Variants in DNAH9 observed in about 807,000 individuals in gnomAD.
DNAH9 encodes DNAH9 variant protein.
In DNAH9, 345 loss-of-function variants were observed where a neutral mutation model predicts 471.6. The observed-to-expected ratio is 0.73, with a 90% CI of 0.67 to 0.80. The LOEUF (loss-of-function observed/expected upper bound fraction) is 0.80, where lower values mean the gene tolerates loss of function less well. Among genes scored for constraint, DNAH9 ranks in the 30% least tolerant of loss-of-function variants. The pLI, the probability that DNAH9 is intolerant of heterozygous loss-of-function variation, is 0.00. For synonymous variants in DNAH9, 2,093 were observed against 2,123.6 expected (o/e 0.99, Z 0.40); for missense variants, 5,407 against 5,609.2 (o/e 0.96, Z 1.15).
At chr17:11,654,722 AC>A (rs2073601833) in intron 14 of DNAH9, among the ~76,000 whole-genome samples, 1 of 151,962 alleles carries the variant, frequency 6.6e-6, no homozygotes, top group South Asian at 2.1e-4. Flanking sequence ...ACACTACCAT[AC>A]AGTGCCAGGC....
chr17:11,827,037 A>G (rs1158921735), intron 48 of DNAH9, among the ~76,000 whole-genome samples: 2 of 151,520 alleles, frequency 1.3e-5, no homozygotes, highest in Non-Finnish European at 1.5e-5. Flanking sequence ...GTTGGCCAGG[A>G]TTGTCTCAAT....
chr17:11,693,517 C>T (rs1245917191), intron 20 of DNAH9, among the ~76,000 whole-genome samples: 5 of 151,838 alleles, frequency 3.3e-5, no homozygotes, highest in South Asian at 2.1e-4. Flanking sequence ...CGTCAGCCTC[C>T]GAAAGTGCTG....
At chr17:11,633,343 A>C (rs1169385595) in intron 8 of DNAH9, among the ~76,000 whole-genome samples, 1 of 152,210 alleles carries the variant, frequency 6.6e-6, no homozygotes, top group Non-Finnish European at 1.5e-5. Context: ...AAGAAGTCAC[A>C]TTGTGGTTCA....
chr17:11,860,199 A>G (rs1391716000), intron 50 of DNAH9, among the ~76,000 whole-genome samples: 4 of 152,180 alleles, frequency 2.6e-5, no homozygotes, highest in African/African-American at 9.6e-5. Context: ...TGTTTTACAC[A>G]GTCTCTTCAC....
intron 28 of DNAH9, among the ~76,000 whole-genome samples, chr17:11,735,080 C>T (rs2150826084): frequency 6.6e-6 from 1 of 152,198 alleles, no homozygotes; most frequent in Non-Finnish European, 1.5e-5. Flanking sequence ...TGGTTTGGAC[C>T]CAAGGACACG....
intron 49 of DNAH9, among the ~76,000 whole-genome samples, chr17:11,835,251 A>C (rs1279487024): frequency 2.0e-5 from 3 of 152,168 alleles, no homozygotes; most frequent in African/African-American, 7.2e-5. Flanking sequence ...TTACATCTTC[A>C]AAATCTAATC....
intron 19 of DNAH9, among the ~76,000 whole-genome samples, chr17:11,683,725 G>A (rs894330233): frequency 2.0e-5 from 3 of 152,114 alleles, no homozygotes; most frequent in African/African-American, 7.2e-5. Context: ...TGCTGGCTGT[G>A]AGGATACTGC....
intron 61 of DNAH9, among the ~76,000 whole-genome samples, chr17:11,916,203 C>T (rs1973951644): frequency 6.6e-6 from 1 of 152,148 alleles, no homozygotes; most frequent in Admixed American, 6.5e-5. Context: ...TTGTTCTTAG[C>T]CAATTGACCT....
At chr17:11,832,886 G>T (rs1970723955) in intron 48 of DNAH9, among the ~76,000 whole-genome samples, 1 of 152,276 alleles carries the variant, frequency 6.6e-6, no homozygotes, top group South Asian at 2.1e-4. Context: ...TTACTTTCTA[G>T]AAATAAATAG....
At chr17:11,681,707 G>T (rs371023664) in intron 19 of DNAH9, among the ~76,000 whole-genome samples, 1 of 152,038 alleles carries the variant, frequency 6.6e-6, no homozygotes, top group South Asian at 2.1e-4. Flanking sequence ...GAAAATTCTC[G>T]ATGCTTACAG....
intron 20 of DNAH9, among the ~76,000 whole-genome samples, chr17:11,692,708 T>G (rs1224435663): frequency 6.6e-6 from 1 of 151,434 alleles, no homozygotes; most frequent in Non-Finnish European, 1.5e-5. Flanking sequence ...CTTCCATGAG[T>G]GTACAGTGGG....
intron 43 of DNAH9, among the ~76,000 whole-genome samples, chr17:11,802,259 A>G (rs1163267952): frequency 6.6e-6 from 1 of 152,116 alleles, no homozygotes; most frequent in Non-Finnish European, 1.5e-5. Flanking sequence ...AGATAACCTA[A>G]GAGTGTGGGA....
intron 36 of DNAH9, among the ~76,000 whole-genome samples, chr17:11,765,227 C>G (rs1342590539): frequency 1.3e-5 from 2 of 152,128 alleles, no homozygotes; most frequent in African/African-American, 4.8e-5. Flanking sequence ...TACTATTCTT[C>G]TAGTAAAAAT....
At chr17:11,771,559 C>T (rs943011542) in intron 38 of DNAH9, among the ~76,000 whole-genome samples, 4 of 152,202 alleles carry the variant, frequency 2.6e-5, no homozygotes, top group African/African-American at 9.7e-5. Flanking sequence ...ATATCTTAAC[C>T]TTCCATCAAG....
chr17:11,962,058 G>T lies in DNAH9; in HGVS notation c.13035G>T (p.Trp4345Cys), dbSNP rs757096729. ...ACTTTACAATGCCCTCCACTGTGTGGCTGACAGGCTTCTTCAACCCCCAGT... is the reference window on the plus strand; with the variant it reads ...ACTTTACAATGCCCTCCACTGTGTGTCTGACAGGCTTCTTCAACCCCCAGT... ...TGDFTMPSTV[W>C]LTGFFNPQSF... is the part of the protein sequence containing the mutation. Residue 4345 changes from tryptophan to cysteine, a missense_variant, in exon 68 of 69, where the codon TGG becomes TGT. By Grantham distance (215) the Trp-to-Cys change is radical. This residue lies in a region of DNAH9 where 4,636 missense variants were observed against 4,900.3 expected (regional missense o/e 0.95). Coordinates refer to ENST00000262442, the MANE Select transcript of DNAH9 (RefSeq NM_001372.4). This position sits in a 1 kb window ranked among gnomAD's most constrained non-coding sequence, Gnocchi z 4.1. 1.9e-6 allele frequency: 3 copies of T among 1,614,178 alleles called. No individual in the cohort carries two copies. Among genetic ancestry groups the T allele is most frequent in the Non-Finnish European group, 2.5e-6 (3 of 1,180,046 alleles).
chr17:11,741,233 TTACA>T (rs1242846440), intron 29 of DNAH9, among the ~76,000 whole-genome samples: 1 of 152,184 alleles, frequency 6.6e-6, no homozygotes, highest in African/African-American at 2.4e-5. Flanking sequence ...TAACAACCTA[TTACA>T]TACCCAACAA....
At chr17:11,915,322 G>A (rs570705921) in intron 61 of DNAH9, among the ~76,000 whole-genome samples, 7 of 152,140 alleles carry the variant, frequency 4.6e-5, no homozygotes, top group African/African-American at 9.6e-5. Flanking sequence ...TCAAGAGATC[G>A]ATACCAACCT....
chr17:11,785,495 G>A (rs995043358), intron 41 of DNAH9, among the ~76,000 whole-genome samples: 1 of 152,104 alleles, frequency 6.6e-6, no homozygotes, highest in Non-Finnish European at 1.5e-5. Flanking sequence ...CATAAGGCCA[G>A]GTTGTTCCAG....
At chr17:11,699,923 C>T (rs1395685525) in intron 23 of DNAH9, 40 bp downstream of exon 23, 1 of 1,601,628 alleles carries the variant, frequency 6.2e-7, no homozygotes, top group Non-Finnish European at 8.5e-7. Context: ...GCTTTTCTCT[C>T]TCAAATGCCT....
Sources: gnomAD v4.1 joint callset for allele counts (sites outside exome capture counted in the v4.1 genomes callset) on GRCh38, gnomAD v4.1.1 for gene constraint, gnomAD v4.1.1 regional missense constraint, Gnocchi (gnomAD v3.1) non-coding constraint, MANE v1.5 for transcripts, NCBI Gene and HGNC (gene_info 2026-07-23, HGNC 2026-07-21) for gene names.